The following COL23A1 variants were observed in gnomAD, a reference collection of about 807,000 sequenced individuals.
COL23A1 encodes collagen type XXIII alpha 1 chain, also known as collagen alpha-1(XXIII) chain.
In COL23A1, 97 loss-of-function variants were observed where a neutral mutation model predicts 99.3. That is an observed-to-expected ratio of 0.98 (90% CI 0.83 to 1.16). COL23A1 has a LOEUF of 1.16. Ranked by LOEUF, COL23A1 falls within the 50% of genes most tolerant of loss-of-function variation. The pLI is 0.00. For missense variants in COL23A1, 762 were observed against 757.4 expected, an observed-to-expected ratio of 1.01 and a Z score of -0.07; for synonymous variants, 320 against 308.2, an observed-to-expected ratio of 1.04 and a Z score of -0.40.
intron 3 of COL23A1, among the ~76,000 whole-genome samples, chr5:178,297,391 A>G (rs570716071): frequency 2.6e-5 from 4 of 152,314 alleles, no homozygotes; most frequent in African/African-American, 9.6e-5. Flanking sequence ...GGTGGTGGGC[A>G]TCTGTAATCC....
chr5:178,547,487 A>ATACC (rs1761659587), intron 2 of COL23A1, among the ~76,000 whole-genome samples: 1 of 133,670 alleles, frequency 7.5e-6, no homozygotes, highest in Non-Finnish European at 1.6e-5. Flanking sequence ...CCACACACAC[A>ATACC]CCCACACATC....
chr5:178,536,147 T>C (rs1760925536), intron 2 of COL23A1, among the ~76,000 whole-genome samples: 1 of 152,230 alleles, frequency 6.6e-6, no homozygotes, highest in Non-Finnish European at 1.5e-5. Context: ...GAAATCTCCT[T>C]TGAGGAACAA....
intron 2 of COL23A1, among the ~76,000 whole-genome samples, chr5:178,493,051 A>C (rs561816852): frequency 6.6e-6 from 1 of 152,096 alleles, no homozygotes; most frequent in African/African-American, 2.4e-5. Context: ...TTGGTCTCTC[A>C]CCCTTTAAAT....
At chr5:178,538,412 T>A (rs934648969) in intron 2 of COL23A1, among the ~76,000 whole-genome samples, 1 of 152,220 alleles carries the variant, frequency 6.6e-6, no homozygotes, top group Admixed American at 6.5e-5. Flanking sequence ...AACATAAAAG[T>A]ACTTGCCCAT....
intron 2 of COL23A1, among the ~76,000 whole-genome samples, chr5:178,388,433 CACTT>C (rs1199673863): frequency 6.6e-6 from 1 of 152,212 alleles, no homozygotes; most frequent in Non-Finnish European, 1.5e-5. Flanking sequence ...AGGTGGCTTA[CACTT>C]ACTTAAGCAA....
In COL23A1 at chr5:178,307,560, C is replaced by T. The variant is rs915293242; in HGVS notation, c.362-641G>A. ...CGCGCTATAAGCCCTTCTGAATTTA[C>T]GGTGCAGAACCCCCTACCTCCGCCT... On this transcript the variant is annotated intron_variant, in intron 2 of 28. Coordinates refer to ENST00000390654, the MANE Select transcript of COL23A1 (RefSeq NM_173465.4). The surrounding 1 kb of genome is among the most constrained non-coding windows in gnomAD (Gnocchi z 4.2). Among the ~76,000 whole-genome samples, 1 of 152,192 alleles carries T rather than the reference C, an allele frequency of 6.6e-6. No homozygotes were observed. Among genetic ancestry groups the T allele is most frequent in the East Asian group, 1.9e-4 (1 of 5,182 alleles).
intron 2 of COL23A1, among the ~76,000 whole-genome samples, chr5:178,484,938 G>A (rs760157199): frequency 2.0e-5 from 3 of 151,954 alleles, no homozygotes; most frequent in East Asian, 1.9e-4. Flanking sequence ...TCCCTTAGAT[G>A]TTAGGTTCTG....
chr5:178,386,103 G>A (rs1763654926), intron 2 of COL23A1, among the ~76,000 whole-genome samples: 1 of 151,996 alleles, frequency 6.6e-6, no homozygotes. Flanking sequence ...ATCCAACCCG[G>A]GCTTCGTGTA....
chr5:178,271,849 C>A (rs1756307160), intron 5 of COL23A1, among the ~76,000 whole-genome samples: 1 of 152,148 alleles, frequency 6.6e-6, no homozygotes, highest in African/African-American at 2.4e-5. Context: ...AAGAGAGCAG[C>A]CTGGCCAAGG....
At chr5:178,500,690 C>A (rs1335741878) in intron 2 of COL23A1, among the ~76,000 whole-genome samples, 2 of 147,820 alleles carry the variant, frequency 1.4e-5, no homozygotes, top group Admixed American at 6.7e-5. Context: ...ATAACATACA[C>A]CAAAATCAAT....
Position 178,308,128 on chromosome 5 carries a change from T to C in COL23A1, c.362-1209A>G, listed in dbSNP as rs1758468305. On this transcript the variant is annotated intron_variant, in intron 2 of 28. Coordinates refer to ENST00000390654, the MANE Select transcript of COL23A1 (RefSeq NM_173465.4). This position sits in a 1 kb window ranked among gnomAD's most constrained non-coding sequence, Gnocchi z 5.1. ...GTGTGTGTCTGTGTATGTATGTTTG[T>C]GTCTGTGTGTCCTGTGGGAGGTGCT... Among the ~76,000 whole-genome samples the C allele has an allele frequency of 1.3e-5, 2 of 152,106 alleles. No individual in the cohort carries two copies. Among genetic ancestry groups the C allele is most frequent in the African/African-American group, 4.8e-5 (2 of 41,418 alleles).
chr5:178,242,493 T>A (rs964081038), intron 25 of COL23A1, 99 bp from the exon 26 acceptor site: 2 of 1,213,422 alleles, frequency 1.6e-6, no homozygotes, highest in African/African-American at 3.0e-5. Flanking sequence ...CACGCCCACT[T>A]TCCCCCCTGC....
At chr5:178,251,267 C>A (rs540832653) in intron 17 of COL23A1, among the ~76,000 whole-genome samples, 2 of 152,012 alleles carry the variant, frequency 1.3e-5, no homozygotes, top group Non-Finnish European at 2.9e-5. Context: ...GTGATCCACC[C>A]GCCTCCACCT....
chr5:178,270,373 G>A lies in COL23A1; in HGVS notation c.442-10C>T, dbSNP rs768421787. ...CCAAACCCAGGGGTCCCTGGAAAAC[G>A]AGAGAGAGAGAACACAGGTTACACA... On this transcript the variant is annotated splice_polypyrimidine_tract_variant and intron_variant, in intron 5 of 28. Coordinates refer to ENST00000390654, the MANE Select transcript of COL23A1 (RefSeq NM_173465.4). 4.4e-6 allele frequency: 7 copies of A among 1,600,974 alleles called. No homozygotes were observed. The Admixed American group carries it at 5.0e-5, about 12-fold the overall frequency.
At chr5:178,459,798 A>C (rs1756015935) in intron 2 of COL23A1, among the ~76,000 whole-genome samples, 1 of 152,154 alleles carries the variant, frequency 6.6e-6, no homozygotes, top group African/African-American at 2.4e-5. Flanking sequence ...AGACATTTCA[A>C]ATAAGATTTT....
chr5:178,553,849 ACT>A (rs1404514875), intron 2 of COL23A1, among the ~76,000 whole-genome samples: 2 of 151,898 alleles, frequency 1.3e-5, no homozygotes, highest in Non-Finnish European at 2.9e-5. Context: ...GTGGCCTCCT[ACT>A]CTGTGTCTCT....
chr5:178,523,299 C>T (rs11744777), intron 2 of COL23A1, among the ~76,000 whole-genome samples: 1,959 of 145,018 alleles, frequency 0.014, 28 homozygotes, highest in Admixed American at 0.031. Flanking sequence ...TGGTGGTGCG[C>T]GCCCGTAATC....
intron 2 of COL23A1, among the ~76,000 whole-genome samples, chr5:178,516,548 C>T (rs1759527699): frequency 6.6e-6 from 1 of 152,250 alleles, no homozygotes; most frequent in African/African-American, 2.4e-5. Context: ...CCCCCTGCCA[C>T]CACCAGGCAT....
intron 2 of COL23A1, among the ~76,000 whole-genome samples, chr5:178,461,461 T>C (rs1251913830): frequency 6.6e-6 from 1 of 152,116 alleles, no homozygotes; most frequent in Non-Finnish European, 1.5e-5. Context: ...ACAGGGAGAG[T>C]CCACCCAAGG....
Sources: allele counts gnomAD v4.1 joint callset (sites outside exome capture counted in the v4.1 genomes callset), GRCh38; gene constraint gnomAD v4.1.1; non-coding constraint Gnocchi (gnomAD v3.1); transcripts MANE v1.5; gene names NCBI Gene and HGNC (gene_info 2026-07-23, HGNC 2026-07-21).